Variants in AJAP1 observed in about 807,000 individuals in gnomAD.
AJAP1 encodes the protein adherens junction-associated protein 1.
Under a neutral mutation model 35.0 loss-of-function variants are expected in AJAP1, and 5 were observed. The observed-to-expected ratio is 0.14, with a 90% CI of 0.07 to 0.30. The LOEUF is 0.30. AJAP1 is among the 10% of genes least tolerant of loss of function. AJAP1 has a pLI of 1.00. For missense variants in AJAP1, 586 were observed against 571.0 expected, an observed-to-expected ratio of 1.03 and a Z score of -0.27; for synonymous variants, 284 against 249.3, an observed-to-expected ratio of 1.14 and a Z score of -1.31.
chr1:4,745,074 A>G (rs1193571444), intron 2 of AJAP1, among the ~76,000 whole-genome samples: 1 of 152,168 alleles, frequency 6.6e-6, no homozygotes, highest in Non-Finnish European at 1.5e-5. Context: ...GAGTGAGCCC[A>G]TCCTAGCAGA....
intron 5 of AJAP1, among the ~76,000 whole-genome samples, chr1:4,779,915 C>T (rs926805031): frequency 3.9e-5 from 6 of 152,018 alleles, no homozygotes; most frequent in Non-Finnish European, 7.4e-5. Flanking sequence ...GAGGCTGAGG[C>T]CGGCGGATCA....
At chr1:4,773,558 C>G (rs1641885419) in intron 4 of AJAP1, among the ~76,000 whole-genome samples, 1 of 152,242 alleles carries the variant, frequency 6.6e-6, no homozygotes, top group South Asian at 2.1e-4. Context: ...CCCTTCCCTT[C>G]TGGAGGAGGA....
Position 4,738,474 on chromosome 1 carries a change from G to A in AJAP1, c.829+25775G>A, listed in dbSNP as rs1038273423. On this transcript the variant is annotated intron_variant, in intron 2 of 5. Transcript: ENST00000378191. ...GGAGCTAAGAGAGAGCACTCTAGGC[G>A]GGAGGGAAGCCAGCCCTAGGGCAGG... is the stretch of plus-strand genomic sequence containing the variant. Among the ~76,000 whole-genome samples the A allele has an allele frequency of 9.9e-5, 15 of 152,214 alleles. No homozygotes were observed. The South Asian group carries it at 1.2e-3, about 13-fold the overall frequency.
chr1:4,728,156 G>A (rs1640713312), intron 2 of AJAP1, among the ~76,000 whole-genome samples: 1 of 152,220 alleles, frequency 6.6e-6, no homozygotes, highest in Non-Finnish European at 1.5e-5. Flanking sequence ...AACTAGGAGA[G>A]CCTGGAACCA....
chr1:4,764,947 A>C (rs1297274897), intron 2 of AJAP1, among the ~76,000 whole-genome samples: 1 of 152,224 alleles, frequency 6.6e-6, no homozygotes, highest in Non-Finnish European at 1.5e-5. Flanking sequence ...GCCTGATCTT[A>C]TTACAAACCA....
At chr1:4,737,506 C>T (rs36028110) in intron 2 of AJAP1, among the ~76,000 whole-genome samples, 6,262 of 152,038 alleles carry the variant, frequency 0.041, 181 homozygotes, top group Middle Eastern at 0.082. Context: ...GGAAGCCCCC[C>T]GAGATCTGCG....
intron 2 of AJAP1, among the ~76,000 whole-genome samples, chr1:4,717,107 G>A (rs1047026576): frequency 1.2e-4 from 19 of 152,290 alleles, no homozygotes; most frequent in African/African-American, 3.6e-4. Flanking sequence ...GTCAGGTTTC[G>A]AATCTGGAAT....
intron 2 of AJAP1, among the ~76,000 whole-genome samples, chr1:4,755,259 T>A (rs1641402381): frequency 6.6e-6 from 1 of 152,226 alleles, no homozygotes; most frequent in South Asian, 2.1e-4. Context: ...TTTAACAATA[T>A]TCTGCAGCAG....
intron 1 of AJAP1, among the ~76,000 whole-genome samples, chr1:4,663,514 C>T (rs908530823): frequency 1.3e-5 from 2 of 152,200 alleles, no homozygotes; most frequent in Non-Finnish European, 2.9e-5. Context: ...GAACATTTCC[C>T]ATCCTGGGGT....
At chr1:4,754,904 A>G (rs2100337926) in intron 2 of AJAP1, among the ~76,000 whole-genome samples, 1 of 151,718 alleles carries the variant, frequency 6.6e-6, no homozygotes, top group South Asian at 2.1e-4. Flanking sequence ...CACAGCCACC[A>G]CTCCCTGGGC....
chr1:4,675,377 C>T (rs976306282), intron 1 of AJAP1, among the ~76,000 whole-genome samples: 10 of 152,234 alleles, frequency 6.6e-5, no homozygotes, highest in African/African-American at 1.7e-4. Flanking sequence ...ATGGAGTTTC[C>T]GGCCATCCTC....
At chr1:4,704,741 C>A (rs2100251762) in intron 1 of AJAP1, among the ~76,000 whole-genome samples, 1 of 152,284 alleles carries the variant, frequency 6.6e-6, no homozygotes, top group South Asian at 2.1e-4. Context: ...CACTGACTTC[C>A]ACGATGGTTA....
chr1:4,740,674 TAC>T (rs768541886), intron 2 of AJAP1, among the ~76,000 whole-genome samples: 60 of 149,442 alleles, frequency 4.0e-4, no homozygotes, highest in Admixed American at 5.4e-4. Flanking sequence ...TAGTCCCAGC[TAC>T]TCCAGAGGCT....
chr1:4,738,200 G>A (rs1640974779), intron 2 of AJAP1, among the ~76,000 whole-genome samples: 1 of 152,188 alleles, frequency 6.6e-6, no homozygotes, highest in African/African-American at 2.4e-5. Context: ...GCAGGCCACG[G>A]CCATGCATGA....
In AJAP1 at chr1:4,748,747, C is replaced by CA. The variant is rs70955802; in HGVS notation, c.830-21079dup. On this transcript the variant is annotated intron_variant, in intron 2 of 5. Coordinates refer to ENST00000378191, the MANE Select transcript of AJAP1 (RefSeq NM_018836.4). ...TGGGTGACAGAGTGAGACTCTGTCT[C>CA]AAAAAAAAAAAAAAAAAAAAAAAAA... Among the ~76,000 whole-genome samples the CA allele has an allele frequency of 3.9e-3, 381 of 98,210 alleles. 8 individuals carry two copies. Among genetic ancestry groups the CA allele is most frequent in the East Asian group, 0.035 (35 of 1,010 alleles). 64.4% of individuals were successfully genotyped at this position (98,210 alleles called of 152,430 possible). A position where few individuals can be genotyped will look rare whatever the true frequency, so the allele number is the denominator to read the frequency against.
rs1642087815 is a variant in AJAP1, at chr1:4,782,656, G to GC, written c.*173dup. 2.5e-6 allele frequency: 1 copy of GC among 398,252 alleles called. No homozygotes were observed. The highest frequency in any genetic ancestry group is 2.1e-5 in the African/African-American group (1 of 48,742). The allele number at this position is 398,252 out of a possible 1,614,324, so 24.7% of individuals were successfully genotyped here. ...GTCCCCGCACCTACCACTTCTGTTT[G>GC]CCGGTGGGAAACTCACAGAGCAGGA... On this transcript the variant is annotated 3_prime_UTR_variant, in exon 6 of 6. Coordinates refer to ENST00000378191, the MANE Select transcript of AJAP1 (RefSeq NM_018836.4). This position sits in a 1 kb window ranked among gnomAD's most constrained non-coding sequence, Gnocchi z 5.3.
Position 4,720,718 on chromosome 1 carries a change from G to T in AJAP1, c.829+8019G>T, listed in dbSNP as rs1423314098. Among the ~76,000 whole-genome samples the T allele has an allele frequency of 6.6e-6, 1 of 152,214 alleles. No individual in the cohort carries two copies. Among genetic ancestry groups the T allele is most frequent in the Non-Finnish European group, 1.5e-5 (1 of 68,028 alleles). ...CGAAGCCCACCTCACCGGTGGCTCT[G>T]CCAGGGTAATCGAATGGTGTTTGTG... On this transcript the variant is annotated intron_variant, in intron 2 of 5. Coordinates refer to ENST00000378191, the MANE Select transcript of AJAP1 (RefSeq NM_018836.4). This position sits in a 1 kb window ranked among gnomAD's most constrained non-coding sequence, Gnocchi z 4.4.
intron 2 of AJAP1, among the ~76,000 whole-genome samples, chr1:4,759,970 C>G (rs1245088451): frequency 6.6e-6 from 1 of 152,158 alleles, no homozygotes; most frequent in Non-Finnish European, 1.5e-5. Context: ...TTCCCCAAAC[C>G]CTGAACCTCT....
At chr1:4,695,261 G>A (rs1570121598) in intron 1 of AJAP1, among the ~76,000 whole-genome samples, 1 of 152,174 alleles carries the variant, frequency 6.6e-6, no homozygotes, top group East Asian at 1.9e-4. Context: ...GGCTGCGATG[G>A]CTGGAGGCTT....
Sources: gnomAD v4.1 joint callset for allele counts (sites outside exome capture counted in the v4.1 genomes callset) on GRCh38, gnomAD v4.1.1 for gene constraint, Gnocchi (gnomAD v3.1) non-coding constraint, MANE v1.5 for transcripts, NCBI Gene and HGNC (gene_info 2026-07-23, HGNC 2026-07-21) for gene names.